The following LMCD1 variants were observed in gnomAD, a reference collection of about 807,000 sequenced individuals.
LMCD1 encodes the protein LIM and cysteine-rich domains protein 1.
Under a neutral mutation model 42.7 loss-of-function variants are expected in LMCD1, and 32 were observed. The ratio of observed to expected loss-of-function variants is 0.75; its 90% CI spans 0.57 to 1.01. LMCD1 has a LOEUF of 1.01. LMCD1 is among the 50% of genes least tolerant of loss of function. LMCD1 has a pLI of 0.00. For missense variants in LMCD1, 458 were observed against 483.1 expected (o/e 0.95, Z 0.49); for synonymous variants, 178 against 184.9 (o/e 0.96, Z 0.30).
intron 1 of LMCD1, among the ~76,000 whole-genome samples, chr3:8,516,640 G>C (rs1694107176): frequency 6.6e-6 from 1 of 152,170 alleles, no homozygotes. Context: ...TATAATTTTA[G>C]CCAAGCCCTT....
In LMCD1 at chr3:8,549,729, G is replaced by C. The variant is rs1694805206; in HGVS notation, c.723+826G>C. ...GGAATGTATTTCATACATCTGTGGA[G>C]GCTGAGAAGTCCAAGGCCAAGGGGC... On this transcript the variant is annotated intron_variant, in intron 4 of 5. Coordinates refer to ENST00000157600, the MANE Select transcript of LMCD1 (RefSeq NM_014583.4). 4 of 686,712 alleles carry C rather than the reference G, an allele frequency of 5.8e-6. No individual in the cohort carries two copies. In the South Asian group the frequency reaches 6.1e-5, roughly 10 times the overall value. 42.5% of individuals were successfully genotyped at this position (686,712 alleles called of 1,614,324 possible). A position where few individuals can be genotyped will look rare whatever the true frequency, so the allele number is the denominator to read the frequency against.
At chr3:8,553,333 A>G (rs1559355994) in intron 4 of LMCD1, among the ~76,000 whole-genome samples, 2 of 152,194 alleles carry the variant, frequency 1.3e-5, no homozygotes, top group Non-Finnish European at 2.9e-5. Context: ...CAGCCTGCCA[A>G]GTTCTCCCAC....
At chr3:8,510,915 G>A (rs947529138) in intron 1 of LMCD1, among the ~76,000 whole-genome samples, 3 of 152,110 alleles carry the variant, frequency 2.0e-5, no homozygotes, top group Non-Finnish European at 4.4e-5. Context: ...TCAAGCTGAG[G>A]CATTAGCAGC....
chr3:8,520,189 G>A (rs550684616), intron 1 of LMCD1, among the ~76,000 whole-genome samples: 8 of 152,202 alleles, frequency 5.3e-5, no homozygotes, highest in African/African-American at 1.9e-4. Flanking sequence ...GGAAAGATCA[G>A]TAGGACTGCA....
rs1204276796 is a variant in LMCD1, at chr3:8,565,539, G to A, written c.831G>A (p.Lys277=). 6.2e-7 allele frequency: 1 copy of A among 1,614,206 alleles called. No individual in the cohort carries two copies. Among genetic ancestry groups the A allele is most frequent in the Non-Finnish European group, 8.5e-7 (1 of 1,180,028 alleles). The part of the protein sequence containing the change: ...QWHPTCFVCA[K]CSEPLVDLIY... ...ACCCCACCTGCTTTGTGTGTGCCAA[G>A]TGCTCCGAGCCGCTGGTGGACCTCA... Residue 277 remains lysine (K), a synonymous_variant, in exon 5 of 6, where the codon AAG becomes AAA. Coordinates refer to ENST00000157600, the MANE Select transcript of LMCD1 (RefSeq NM_014583.4).
chr3:8,550,887 G>A (rs1545416), intron 4 of LMCD1: 246,667 of 984,818 alleles, frequency 0.25, 33,009 homozygotes, highest in African/African-American at 0.48. Flanking sequence ...CTGACATCGT[G>A]TTTTATTCTT....
At chr3:8,528,704 G>A (rs17784233) in intron 1 of LMCD1, among the ~76,000 whole-genome samples, 65,838 of 151,848 alleles carry the variant, frequency 0.43, 15,036 homozygotes, top group Non-Finnish European at 0.51. Flanking sequence ...TAAATTCCCA[G>A]TTGCATTTTC....
At position 8,571,885 on chromosome 3, in the gene LMCD1, T is replaced by G. The variant is rs1464717585; in HGVS notation, c.*4287T>G. On this transcript the variant is annotated 3_prime_UTR_variant, in exon 6 of 6. Coordinates refer to ENST00000157600, the MANE Select transcript of LMCD1 (RefSeq NM_014583.4). ...ACAATGCTTTATCACTCTTGAATAT[T>G]TTCGTGTGTAATTCCTACAAATAAG... 3.9e-5 allele frequency: 6 copies of G among 152,216 alleles called. No individual in the cohort carries two copies. The highest frequency in any genetic ancestry group is 6.5e-5 in the Admixed American group (1 of 15,286). 9.4% of individuals were successfully genotyped at this position (152,216 alleles called of 1,614,324 possible). A position where few individuals can be genotyped will look rare whatever the true frequency, so the allele number is the denominator to read the frequency against.
intron 1 of LMCD1, among the ~76,000 whole-genome samples, chr3:8,510,793 T>G (rs1474540584): frequency 1.3e-5 from 2 of 152,206 alleles, no homozygotes; most frequent in African/African-American, 4.8e-5. Flanking sequence ...ACTATCTCAG[T>G]AATATTGGTT....
rs546794408 is a variant in LMCD1 at position 8,511,011 on chromosome 3, C to T, written c.42+9031C>T. Among the ~76,000 whole-genome samples, 6 of 152,294 alleles carry T rather than the reference C, an allele frequency of 3.9e-5. No individual in the cohort carries two copies. The East Asian group carries it at 1.2e-3, about 29-fold the overall frequency. ...ACATACAGCTGTAGTGGATTGAGGTCTGAGGCTCTTGGAGTAAACAAACTC... is the reference window on the plus strand; with the variant it reads ...ACATACAGCTGTAGTGGATTGAGGTTTGAGGCTCTTGGAGTAAACAAACTC... On this transcript the variant is annotated intron_variant, in intron 1 of 5. Transcript: ENST00000157600.
intron 4 of LMCD1, chr3:8,549,996 C>T: frequency 1.3e-6 from 2 of 1,483,800 alleles, no homozygotes; most frequent in Non-Finnish European, 1.8e-6. Context: ...CTCAATACTG[C>T]CATGCAGAGG....
chr3:8,543,456 G>A (rs62242269), intron 3 of LMCD1, among the ~76,000 whole-genome samples: 1 of 145,356 alleles, frequency 6.9e-6, no homozygotes, highest in Non-Finnish European at 1.5e-5. Context: ...GACAGACAGA[G>A]AGATAGACAG....
chr3:8,517,388 T>A (rs1694120153), intron 1 of LMCD1, among the ~76,000 whole-genome samples: 1 of 152,222 alleles, frequency 6.6e-6, no homozygotes, highest in Non-Finnish European at 1.5e-5. Context: ...TATATGCAAA[T>A]ATTCCAAAAC....
At chr3:8,553,835 A>T (rs1007932342) in intron 4 of LMCD1, among the ~76,000 whole-genome samples, 2 of 152,210 alleles carry the variant, frequency 1.3e-5, no homozygotes, top group African/African-American at 4.8e-5. Context: ...TCCCAGTGCC[A>T]GATGCTACTG....
At chr3:8,549,867 T>C (rs1296183655) in intron 4 of LMCD1, 1 of 730,374 alleles carries the variant, frequency 1.4e-6, no homozygotes, top group East Asian at 2.7e-5. Flanking sequence ...TCTCTTCCTC[T>C]TCTTAGAAGC....
rs948856111 is a variant in LMCD1 at position 8,574,168 on chromosome 3, C to T, written c.*6570C>T. On this transcript the variant is annotated 3_prime_UTR_variant, in exon 6 of 6. Transcript: ENST00000157600. ...CAGTGAGCCCATGAAAAAGGAGCTT[C>T]TCTTTCTGGAGCTTCCCAGGGGTAA... 3 of 152,318 alleles carry T rather than the reference C, an allele frequency of 2.0e-5. No homozygotes were observed. The highest frequency in any genetic ancestry group is 7.2e-5 in the African/African-American group (3 of 41,458). 9.4% of individuals were successfully genotyped at this position (152,318 alleles called of 1,614,324 possible). A position where few individuals can be genotyped will look rare whatever the true frequency, so the allele number is the denominator to read the frequency against.
Position 8,564,216 on chromosome 3 carries a change from C to A in LMCD1, c.724-1216C>A, listed in dbSNP as rs115448255. On this transcript the variant is annotated intron_variant, in intron 4 of 5. Transcript: ENST00000157600. ...ACTGAGTGTGGAATATATAGAAATT[C>A]TCTGTGCTGTTTTTGCAATTTTTCT... Among the ~76,000 whole-genome samples the A allele has an allele frequency of 7.7e-3, 1,172 of 152,208 alleles. 18 individuals carry two copies. The highest frequency in any genetic ancestry group is 0.051 in the Middle Eastern group (15 of 294).
chr3:8,520,804 C>G lies in LMCD1; in HGVS notation c.43-11933C>G, dbSNP rs140303769. Among the ~76,000 whole-genome samples the G allele has an allele frequency of 1.4e-3, 220 of 152,304 alleles. 1 individual carries two copies. The highest frequency in any genetic ancestry group is 5.2e-3 in the African/African-American group (217 of 41,564). ...ATAGGCAATTAAAACAATGCCCACC[C>G]TTTGGGACTCTGAGTGATCTCAAAA... On this transcript the variant is annotated intron_variant, in intron 1 of 5. Coordinates refer to ENST00000157600, the MANE Select transcript of LMCD1 (RefSeq NM_014583.4).
At position 8,562,683 on chromosome 3, in the gene LMCD1, C is replaced by A. The variant is rs563966416; in HGVS notation, c.724-2749C>A. ...TAAGGTGGTCCCTGCTATCCACCCC[C>A]AAAGTCACTCTCCATTCCCTTACCC... is the stretch of plus-strand genomic sequence containing the variant. On this transcript the variant is annotated intron_variant, in intron 4 of 5. Transcript: ENST00000157600. Among the ~76,000 whole-genome samples, 10 of 152,322 alleles carry A rather than the reference C, an allele frequency of 6.6e-5. No individual in the cohort carries two copies. In the South Asian group the frequency reaches 1.5e-3, roughly 22 times the overall value.
Sources: gnomAD v4.1 joint callset for allele counts (sites outside exome capture counted in the v4.1 genomes callset) on GRCh38, gnomAD v4.1.1 for gene constraint, MANE v1.5 for transcripts, NCBI Gene and HGNC (gene_info 2026-07-23, HGNC 2026-07-21) for gene names.